ZFP64: variants seen among roughly 807,000 people sequenced by gnomAD.
The protein encoded by ZFP64 is zinc finger protein 64.
A neutral mutation model predicts 51.6 loss-of-function variants in ZFP64; 14 were observed. The ratio of observed to expected loss-of-function variants is 0.27; its 90% CI spans 0.18 to 0.42. The LOEUF is 0.42. Among genes scored for constraint, ZFP64 ranks in the 10% least tolerant of loss-of-function variants. The pLI, the probability that ZFP64 is intolerant of heterozygous loss-of-function variation, is 1.00. For synonymous variants in ZFP64, 375 were observed against 361.4 expected (o/e 1.04, Z -0.43); for missense variants, 754 against 906.8 (o/e 0.83, Z 2.16).
Position 52,152,623 on chromosome 20 carries a change from C to A in ZFP64, c.1569G>T (p.Pro523=), listed in dbSNP as rs148156379. 1.4e-5 allele frequency: 21 copies of A among 1,534,942 alleles called. No homozygotes were observed. In the Middle Eastern group the frequency reaches 7.0e-4, roughly 51 times the overall value. ...QAAAAAVNIV[P]PALVAQNPEE... is the part of the protein sequence containing the mutation. The stretch of plus-strand genomic sequence containing the variant: ...CTGGGTTCTGGGCCACCAAGGCAGG[C>A]GGGACGATGTTCACTGCAGCGGCGG... The change falls in exon 6 of 6, where the codon CCG becomes CCT. Residue 523 remains proline, a synonymous_variant. Transcript: ENST00000216923.
chr20:52,144,980 G>A (rs1359327448), intron 5 of ZFP64, among the ~76,000 whole-genome samples: 2 of 152,096 alleles, frequency 1.3e-5, no homozygotes, highest in Non-Finnish European at 2.9e-5. Context: ...AATTTGTTAA[G>A]AATGTTACAG....
chr20:52,160,093 C>G lies in ZFP64; in HGVS notation c.763+30G>C, dbSNP rs754277537. The G allele has an allele frequency of 1.9e-6, 3 of 1,613,950 alleles. No homozygotes were observed. Among genetic ancestry groups the G allele is most frequent in the South Asian group, 2.2e-5 (2 of 91,062 alleles). ...GATTTATGCCATAGAAAGTGAGGAG[C>G]GTAGAGAGCAAATAACAGGCAGGAC... On this transcript the variant is annotated intron_variant, in intron 5 of 5. Transcript: ENST00000216923. This position sits in a 1 kb window ranked among gnomAD's most constrained non-coding sequence, Gnocchi z 4.2.
chr20:52,099,314 T>C (rs1222641574), intron 5 of ZFP64, among the ~76,000 whole-genome samples: 1 of 69,996 alleles, frequency 1.4e-5, no homozygotes, highest in Non-Finnish European at 2.8e-5. Context: ...CATGGCAATG[T>C]CAAACTTTTT....
intron 8 of ZFP64, among the ~76,000 whole-genome samples, chr20:52,087,403 C>G (rs1220082846): frequency 6.6e-6 from 1 of 152,078 alleles, no homozygotes; most frequent in Non-Finnish European, 1.5e-5. Flanking sequence ...GCTAGCAATC[C>G]TAGTTTTATT....
At chr20:52,127,490 G>T (rs906003836) in intron 5 of ZFP64, among the ~76,000 whole-genome samples, 2 of 152,048 alleles carry the variant, frequency 1.3e-5, no homozygotes, top group Non-Finnish European at 2.9e-5. Flanking sequence ...GTTTTATCAG[G>T]GGCTCTTCCC....
chr20:52,129,226 C>T lies in ZFP64; in HGVS notation c.764-30639G>A, dbSNP rs369643107. Among the ~76,000 whole-genome samples, 757 of 152,072 alleles carry T rather than the reference C, an allele frequency of 5.0e-3. 4 individuals carry two copies. Among genetic ancestry groups the T allele is most frequent in the African/African-American group, 0.017 (689 of 41,516 alleles). ...CTTCCCAAGTAGCTGGGACTACAGG[C>T]GCCCACCACCACGCCCGGTGAATTT... On this transcript the variant is annotated intron_variant, in intron 5 of 8. Coordinates refer to the ZFP64 transcript ENST00000361387.
chr20:52,155,581 A>G (rs1419820687), intron 5 of ZFP64, among the ~76,000 whole-genome samples: 4 of 152,158 alleles, frequency 2.6e-5, no homozygotes, highest in African/African-American at 9.7e-5. Context: ...CAAATCTCGC[A>G]GCTAAGTTGC....
At chr20:52,105,039 G>T (rs566661242) in intron 5 of ZFP64, 24 of 1,364,862 alleles carry the variant, frequency 1.8e-5, no homozygotes, top group African/African-American at 3.0e-5. Context: ...GCCCTTTCAG[G>T]TCCCCTGCCC....
intron 5 of ZFP64, among the ~76,000 whole-genome samples, chr20:52,103,803 G>A (rs775261254): frequency 1.3e-5 from 2 of 152,234 alleles, no homozygotes; most frequent in Non-Finnish European, 2.9e-5. Context: ...GGGCACGAGG[G>A]TGGTTGTACT....
At chr20:52,169,347 T>C (rs2123049607) in intron 2 of ZFP64, among the ~76,000 whole-genome samples, 1 of 152,312 alleles carries the variant, frequency 6.6e-6, no homozygotes, top group Non-Finnish European at 1.5e-5. Flanking sequence ...CTCAAGAATT[T>C]TGGTGCTAAA....
intron 3 of ZFP64, 196 bp downstream of exon 3, chr20:52,165,668 A>G: frequency 1.3e-6 from 1 of 783,570 alleles, no homozygotes; most frequent in Non-Finnish European, 2.1e-6. Context: ...AAAGTCTTAG[A>G]ACCCAGAGGC....
Position 52,085,349 on chromosome 20 carries a change from G to A in ZFP64, c.1229-83C>T, listed in dbSNP as rs1257177516. On this transcript the variant is annotated intron_variant, in intron 8 of 8. Coordinates refer to the ZFP64 transcript ENST00000361387. The surrounding 1 kb of genome is among the most constrained non-coding windows in gnomAD (Gnocchi z 4.3). ...CCAACCTGCCTTAGCACACTTGGCCGCCATGAGATGGTTGGGTTTTGTGAA... is the reference window on the plus strand; with the variant it reads ...CCAACCTGCCTTAGCACACTTGGCCACCATGAGATGGTTGGGTTTTGTGAA... 22 of 1,407,438 alleles carry A rather than the reference G, an allele frequency of 1.6e-5. No homozygotes were observed. The highest frequency in any genetic ancestry group is 2.5e-5 in the East Asian group (1 of 40,516). 87.2% of individuals were successfully genotyped at this position (1,407,438 alleles called of 1,614,324 possible).
chr20:52,182,398 T>G (rs1983675021), intron 2 of ZFP64, among the ~76,000 whole-genome samples: 1 of 152,092 alleles, frequency 6.6e-6, no homozygotes. Context: ...GTGTAAATGC[T>G]AAGAGGAGGG....
chr20:52,149,274 GAA>G (rs555406373), downstream of ZFP64, among the ~76,000 whole-genome samples: 50 of 96,804 alleles, frequency 5.2e-4, no homozygotes, highest in Admixed American at 1.2e-3. Flanking sequence ...TCTACTTACA[GAA>G]AAAAAAAAAA....
In ZFP64 at chr20:52,152,443, G is replaced by T. The variant is rs768872836; in HGVS notation, c.1749C>A (p.His583Gln). The change falls in exon 6 of 6, where the codon CAC becomes CAA. Residue 583 changes from histidine (H) to glutamine (Q), a missense_variant. His to Gln is a conservative substitution (Grantham distance 24). Coordinates refer to ENST00000216923, the MANE Select transcript of ZFP64 (RefSeq NM_018197.3). Reference sequence around the variant, plus strand: ...CTGAGGCCGTGGGGATGAGAGTCTGGTGCAGAGTGGCTCCGTCCGTCTGCT... The same window carrying T: ...CTGAGGCCGTGGGGATGAGAGTCTGTTGCAGAGTGGCTCCGTCCGTCTGCT... Reference protein sequence around the residue: ...THEQTDGATLHQTLIPTASGG... With the variant: ...THEQTDGATLQQTLIPTASGG... The T allele has an allele frequency of 1.2e-6, 2 of 1,614,132 alleles. No homozygotes were observed. Among genetic ancestry groups the T allele is most frequent in the South Asian group, 1.1e-5 (1 of 91,090 alleles).
At chr20:52,138,213 C>T (rs1452728999) in intron 5 of ZFP64, among the ~76,000 whole-genome samples, 1 of 151,432 alleles carries the variant, frequency 6.6e-6, no homozygotes, top group Non-Finnish European at 1.5e-5. Flanking sequence ...AAAAAAACAA[C>T]ACACAAAAAA....
In ZFP64 at chr20:52,085,127, A is replaced by G; in HGVS notation, c.1368T>C (p.Asn456=). The change falls in exon 9 of 9, where the codon AAT becomes AAC. Residue 456 remains asparagine, a synonymous_variant. Coordinates refer to the ZFP64 transcript ENST00000361387. The surrounding 1 kb of genome is among the most constrained non-coding windows in gnomAD (Gnocchi z 4.3). ...GCTTGATGCGGATGTGCGATTTGAG[A>G]TTCGCCTTCATGGTGCAGCGGACGT... 1 of 1,614,218 alleles carries G rather than the reference A, an allele frequency of 6.2e-7. No homozygotes were observed. Among genetic ancestry groups the G allele is most frequent in the Non-Finnish European group, 8.5e-7 (1 of 1,180,044 alleles).
intron 5 of ZFP64, among the ~76,000 whole-genome samples, chr20:52,159,439 C>T (rs892648691): frequency 2.0e-5 from 3 of 152,218 alleles, no homozygotes; most frequent in Non-Finnish European, 4.4e-5. Context: ...CAATTACACA[C>T]TTTACAACTG....
At chr20:52,089,683 G>T (rs548566257) in intron 7 of ZFP64, among the ~76,000 whole-genome samples, 13 of 151,316 alleles carry the variant, frequency 8.6e-5, no homozygotes, top group African/African-American at 2.9e-4. Flanking sequence ...GGTTGAGGTT[G>T]TGAGCACAGA....
Sources: allele counts gnomAD v4.1 joint callset (sites outside exome capture counted in the v4.1 genomes callset), GRCh38; gene constraint gnomAD v4.1.1; non-coding constraint Gnocchi (gnomAD v3.1); transcripts MANE v1.5; gene names NCBI Gene and HGNC (gene_info 2026-07-23, HGNC 2026-07-21).